DOCK1: variants seen among roughly 807,000 people sequenced by gnomAD.
DOCK1 encodes the protein dedicator of cytokinesis protein 1.
DOCK1 carries 138 observed loss-of-function variants against 262.7 expected under a neutral mutation model. The ratio of observed to expected loss-of-function variants is 0.53; its 90% confidence interval spans 0.46 to 0.61. DOCK1 has a LOEUF of 0.61. Ranked by LOEUF, DOCK1 falls within the 20% of genes least tolerant of loss-of-function variation. DOCK1 has a pLI of 0.00. For synonymous variants in DOCK1, 866 were observed against 867.4 expected (o/e 1.00, Z 0.03); for missense variants, 1,908 against 2,370.7 (o/e 0.80, Z 4.05).
chr10:127,089,242 C>G (rs2047374332), intron 23 of DOCK1, among the ~76,000 whole-genome samples: 1 of 152,192 alleles, frequency 6.6e-6, no homozygotes, highest in Non-Finnish European at 1.5e-5. Flanking sequence ...TGTCTTCTGT[C>G]TCTGGTCAGC....
rs547778588 is a variant in DOCK1, at chr10:127,050,304, T to C, written c.2202-2377T>C. Among the ~76,000 whole-genome samples the C allele has an allele frequency of 3.6e-4, 54 of 151,458 alleles. No homozygotes were observed. The South Asian group carries it at 4.0e-3, about 11-fold the overall frequency. On this transcript the variant is annotated intron_variant, in intron 21 of 51. Transcript: ENST00000623213. ...AATAGATATTTCCAAATATAACAGA[T>C]ATTTCCTTAATTATAATAGATATTT...
intron 30 of DOCK1, among the ~76,000 whole-genome samples, chr10:127,342,917 T>C (rs1431670472): frequency 2.6e-5 from 4 of 152,190 alleles, no homozygotes; most frequent in Non-Finnish European, 1.5e-5. Flanking sequence ...ATCTATACTA[T>C]TCTTAAGTGA....
intron 29 of DOCK1, among the ~76,000 whole-genome samples, chr10:127,264,695 C>G (rs553280505): frequency 2.0e-5 from 3 of 152,010 alleles, no homozygotes; most frequent in Non-Finnish European, 2.9e-5. Flanking sequence ...GGGTCTCACT[C>G]TGTTGTCCAG....
intron 1 of DOCK1, among the ~76,000 whole-genome samples, chr10:126,930,973 G>C (rs1366823421): frequency 6.6e-6 from 1 of 152,104 alleles, no homozygotes; most frequent in Non-Finnish European, 1.5e-5. Context: ...TCCTGCAAGG[G>C]CCCATCTCCC....
At chr10:127,050,787 TTTTA>T (rs1187423544) in intron 21 of DOCK1, among the ~76,000 whole-genome samples, 1 of 152,086 alleles carries the variant, frequency 6.6e-6, no homozygotes, top group East Asian at 1.9e-4. Context: ...TAGGCAGAAA[TTTTA>T]TTTAATTTTC....
intron 25 of DOCK1, among the ~76,000 whole-genome samples, chr10:127,116,361 G>C (rs1176829753): frequency 2.0e-5 from 3 of 152,094 alleles, no homozygotes; most frequent in Non-Finnish European, 4.4e-5. Flanking sequence ...GATTCTTCTA[G>C]TTATCAAGCA....
chr10:127,277,083 A>G (rs1015517763), intron 29 of DOCK1, among the ~76,000 whole-genome samples: 1 of 152,200 alleles, frequency 6.6e-6, no homozygotes, highest in Non-Finnish European at 1.5e-5. Context: ...AGCTGCCTCT[A>G]TATGGAGAAC....
chr10:127,381,399 T>C, intron 37 of DOCK1, 31 bp downstream of exon 37: 1 of 1,575,310 alleles, frequency 6.3e-7, no homozygotes, highest in Non-Finnish European at 8.7e-7. Context: ...CCTTGATGAT[T>C]CTATTGTTAT....
chr10:127,289,370 C>T (rs910429568), intron 29 of DOCK1, among the ~76,000 whole-genome samples: 7 of 152,090 alleles, frequency 4.6e-5, no homozygotes, highest in Admixed American at 1.3e-4. Context: ...TAATAATGGG[C>T]GTGTGATGGT....
intron 29 of DOCK1, among the ~76,000 whole-genome samples, chr10:127,263,430 G>A (rs79463232): frequency 0.037 from 1,756 of 47,466 alleles, 39 homozygotes; most frequent in African/African-American, 0.16. Flanking sequence ...CCCAAAGTAC[G>A]GTGTTCACTT....
intron 29 of DOCK1, among the ~76,000 whole-genome samples, chr10:127,305,739 G>A (rs1329091419): frequency 1.3e-5 from 2 of 152,234 alleles, no homozygotes; most frequent in Non-Finnish European, 2.9e-5. Flanking sequence ...ACAGCTAAGA[G>A]AATTGAGACA....
intron 20 of DOCK1, 100 bp downstream of exon 20, chr10:127,042,814 A>T: frequency 8.0e-7 from 1 of 1,245,724 alleles, no homozygotes; most frequent in Non-Finnish European, 1.2e-6. Context: ...GTGACCTTGA[A>T]CGCATTTTCA....
chr10:126,915,384 C>T (rs747641416), intron 1 of DOCK1, among the ~76,000 whole-genome samples: 53 of 147,474 alleles, frequency 3.6e-4, no homozygotes, highest in Non-Finnish European at 5.2e-4. Context: ...ATACCAAGCC[C>T]GAGAGCAGTG....
chr10:127,142,671 T>A (rs2051379069), intron 27 of DOCK1, among the ~76,000 whole-genome samples: 1 of 152,178 alleles, frequency 6.6e-6, no homozygotes, highest in Non-Finnish European at 1.5e-5. Context: ...TCCTGGGGAC[T>A]GTAGGGATTT....
At chr10:127,309,630 AG>A (rs1490329265) in intron 29 of DOCK1, among the ~76,000 whole-genome samples, 1 of 152,172 alleles carries the variant, frequency 6.6e-6, no homozygotes, top group Non-Finnish European at 1.5e-5. Context: ...GGTGTAAGGA[AG>A]GGATCCAGTT....
At chr10:127,366,675 A>T (rs917500181) in intron 33 of DOCK1, among the ~76,000 whole-genome samples, 2 of 127,188 alleles carry the variant, frequency 1.6e-5, no homozygotes, top group Non-Finnish European at 3.5e-5. Flanking sequence ...ATTGTCGGTG[A>T]TGTGGGCGAA....
intron 23 of DOCK1, among the ~76,000 whole-genome samples, chr10:127,076,356 C>T (rs2046549229): frequency 6.6e-6 from 1 of 152,154 alleles, no homozygotes; most frequent in Non-Finnish European, 1.5e-5. Context: ...AAAAAATTAG[C>T]TAGGCGTGGT....
At chr10:127,280,108 C>G (rs1311226911) in intron 29 of DOCK1, among the ~76,000 whole-genome samples, 3 of 147,494 alleles carry the variant, frequency 2.0e-5, no homozygotes, top group Admixed American at 6.8e-5. Context: ...GATCTCGGCT[C>G]ACTGCAAGCT....
At chr10:127,140,619 C>T (rs2489396) in intron 27 of DOCK1, among the ~76,000 whole-genome samples, 4 of 48,244 alleles carry the variant, frequency 8.3e-5, no homozygotes, top group Admixed American at 2.5e-4. Flanking sequence ...CCAAGTCTCT[C>T]GGTTGAGTTT....
Sources: allele counts gnomAD v4.1 joint callset (sites outside exome capture counted in the v4.1 genomes callset), GRCh38; gene constraint gnomAD v4.1.1; transcripts MANE v1.5; gene names NCBI Gene and HGNC (gene_info 2026-07-23, HGNC 2026-07-21).